The following TIAM1 variants were observed in gnomAD, a reference collection of about 807,000 sequenced individuals.
TIAM1 encodes the protein rho guanine nucleotide exchange factor TIAM1.
TIAM1 carries 65 observed loss-of-function variants against 163.5 expected under a neutral mutation model. The ratio of observed to expected loss-of-function variants is 0.40; its 90% CI spans 0.33 to 0.49. The LOEUF (loss-of-function observed/expected upper bound fraction) is 0.49, where lower values mean the gene tolerates loss of function less well. Among genes scored for constraint, TIAM1 ranks in the 20% least tolerant of loss-of-function variants. The pLI, the probability that TIAM1 is intolerant of heterozygous loss-of-function variation, is 0.77. For synonymous variants in TIAM1, 833 were observed against 810.1 expected (o/e 1.03, Z -0.48); for missense variants, 1,789 against 2,044.7 (o/e 0.87, Z 2.41).
chr21:31,210,657 GAAA>G lies in TIAM1; in HGVS notation c.2218-445_2218-443del, dbSNP rs2086752242. On this transcript the variant is annotated intron_variant, in intron 10 of 27. Transcript: ENST00000541036. ...AGAAAGAAAGAAAGAAAGAAAGAAA[GAAA>G]GAAAGAAAAAGAAAGAAAGAAAGAA... 5.5e-4 allele frequency among the ~76,000 whole-genome samples: 12 copies of G among 21,726 alleles called. 1 individual carries two copies. The highest frequency in any genetic ancestry group is 2.2e-3 in the African/African-American group (10 of 4,554). 14.3% of individuals were successfully genotyped at this position (21,726 alleles called of 152,430 possible).
chr21:31,463,721 G>A (rs775421439), intron 2 of TIAM1, among the ~76,000 whole-genome samples: 2 of 151,832 alleles, frequency 1.3e-5, no homozygotes, highest in Non-Finnish European at 2.9e-5. Flanking sequence ...AGGAGGCCGA[G>A]GCAGGGGAAT....
intron 2 of TIAM1, among the ~76,000 whole-genome samples, chr21:31,377,033 C>CTTTTTTTTTTTTTT (rs35487868): frequency 2.5e-5 from 2 of 80,920 alleles, no homozygotes; most frequent in Non-Finnish European, 4.6e-5. Flanking sequence ...TCATTTTTGT[C>CTTTTTTTTTTTTTT]TTTTTTTTTT....
At chr21:31,364,116 A>C (rs2076457923) in intron 2 of TIAM1, among the ~76,000 whole-genome samples, 1 of 152,206 alleles carries the variant, frequency 6.6e-6, no homozygotes, top group Non-Finnish European at 1.5e-5. Flanking sequence ...AGCATTTTAC[A>C]GGAAGGTAAA....
intron 2 of TIAM1, among the ~76,000 whole-genome samples, chr21:31,437,436 G>A (rs1300696871): frequency 6.8e-6 from 1 of 146,758 alleles, no homozygotes; most frequent in Non-Finnish European, 1.5e-5. Flanking sequence ...CTGGGAGGTT[G>A]AGGCTGGAGT....
chr21:31,392,386 C>T (rs980101318), intron 2 of TIAM1, among the ~76,000 whole-genome samples: 4 of 151,854 alleles, frequency 2.6e-5, no homozygotes, highest in African/African-American at 7.3e-5. Context: ...GCCTGACCAA[C>T]GTGATGAAAC....
At chr21:31,305,422 TAAA>T (rs35619472) in intron 2 of TIAM1, among the ~76,000 whole-genome samples, 2 of 132,804 alleles carry the variant, frequency 1.5e-5, no homozygotes, top group Non-Finnish European at 3.3e-5. Context: ...GAAATAAAAA[TAAA>T]AAAAAAAAAA....
intron 2 of TIAM1, among the ~76,000 whole-genome samples, chr21:31,281,845 G>T (rs1323611145): frequency 1.3e-5 from 2 of 152,148 alleles, no homozygotes; most frequent in East Asian, 3.9e-4. Flanking sequence ...ATGGTGAATG[G>T]ATAATTGATG....
chr21:31,545,256 C>G (rs2048451342), intron 1 of TIAM1, among the ~76,000 whole-genome samples: 1 of 152,060 alleles, frequency 6.6e-6, no homozygotes, highest in Non-Finnish European at 1.5e-5. Flanking sequence ...TGTGACAAGC[C>G]AAGGATTGCC....
chr21:31,332,824 T>C (rs1201813456), intron 2 of TIAM1, among the ~76,000 whole-genome samples: 1 of 150,874 alleles, frequency 6.6e-6, no homozygotes, highest in African/African-American at 2.4e-5. Context: ...TGGTTAGAGC[T>C]CTTCATGACT....
chr21:31,512,351 C>T (rs569406938), intron 1 of TIAM1, among the ~76,000 whole-genome samples: 8 of 152,174 alleles, frequency 5.3e-5, no homozygotes, highest in Admixed American at 4.6e-4. Context: ...CCACCCGCCT[C>T]GGCCTCCCAA....
At chr21:31,479,075 C>G (rs1345535302) in intron 1 of TIAM1, among the ~76,000 whole-genome samples, 1 of 152,144 alleles carries the variant, frequency 6.6e-6, no homozygotes, top group Non-Finnish European at 1.5e-5. Context: ...ACTATTGAGA[C>G]AAGGAACAAA....
At chr21:31,123,069 G>A (rs754488081) in intron 27 of TIAM1, among the ~76,000 whole-genome samples, 3 of 152,218 alleles carry the variant, frequency 2.0e-5, no homozygotes, top group Non-Finnish European at 4.4e-5. Flanking sequence ...TGACATCAAG[G>A]CTTTCTCTTG....
At chr21:31,397,160 T>C (rs771072614) in intron 2 of TIAM1, among the ~76,000 whole-genome samples, 6 of 152,120 alleles carry the variant, frequency 3.9e-5, no homozygotes, top group Non-Finnish European at 7.3e-5. Flanking sequence ...AAAGAGGTAA[T>C]GAAAGGGAAT....
intron 1 of TIAM1, among the ~76,000 whole-genome samples, chr21:31,473,216 C>T (rs796606760): frequency 1.3e-5 from 2 of 151,982 alleles, no homozygotes; most frequent in African/African-American, 2.4e-5. Flanking sequence ...GATCACGAGG[C>T]CAGGAGATCG....
chr21:31,325,099 G>T (rs2075440383), intron 2 of TIAM1, among the ~76,000 whole-genome samples: 1 of 150,564 alleles, frequency 6.6e-6, no homozygotes, highest in South Asian at 2.1e-4. Context: ...GGACAACATG[G>T]CAAGACCCCA....
chr21:31,329,758 G>A (rs373455609), intron 2 of TIAM1, among the ~76,000 whole-genome samples: 6 of 152,154 alleles, frequency 3.9e-5, no homozygotes, highest in East Asian at 3.9e-4. Context: ...TGCCCAAGCC[G>A]ACAGGCTGCA....
chr21:31,131,337 AT>A (rs757694457), intron 23 of TIAM1, among the ~76,000 whole-genome samples: 5 of 152,250 alleles, frequency 3.3e-5, no homozygotes, highest in Non-Finnish European at 7.3e-5. Context: ...ATTGCTGAAG[AT>A]GATTTACATT....
At chr21:31,278,404 A>G (rs1239320278) in intron 2 of TIAM1, among the ~76,000 whole-genome samples, 1 of 152,214 alleles carries the variant, frequency 6.6e-6, no homozygotes, top group Non-Finnish European at 1.5e-5. Flanking sequence ...CTGCTGGTAG[A>G]GGTGAAATTA....
At chr21:31,261,843 G>A (rs1016658897) in intron 4 of TIAM1, among the ~76,000 whole-genome samples, 3 of 152,166 alleles carry the variant, frequency 2.0e-5, no homozygotes, top group Non-Finnish European at 4.4e-5. Flanking sequence ...CACCACACCT[G>A]GCTAGGGACG....
Sources: gnomAD v4.1 joint callset for allele counts (sites outside exome capture counted in the v4.1 genomes callset) on GRCh38, gnomAD v4.1.1 for gene constraint, MANE v1.5 for transcripts, NCBI Gene and HGNC (gene_info 2026-07-23, HGNC 2026-07-21) for gene names.